Variants in SORL1 observed in about 807,000 individuals in gnomAD.
SORL1 encodes sortilin-related receptor.
SORL1 carries 127 observed loss-of-function variants against 273.7 expected under a neutral mutation model. The ratio of observed to expected loss-of-function variants is 0.46; its 90% CI spans 0.40 to 0.54. SORL1 has a LOEUF of 0.54. Ranked by LOEUF, SORL1 falls within the 20% of genes least tolerant of loss-of-function variation. The pLI is 0.00. For missense variants in SORL1, 2,494 were observed against 2,846.1 expected (o/e 0.88, Z 2.81); for synonymous variants, 1,031 against 1,067.4 (o/e 0.97, Z 0.66).
At chr11:121,473,553 T>A (rs1011195762) in intron 2 of SORL1, among the ~76,000 whole-genome samples, 11 of 147,978 alleles carry the variant, frequency 7.4e-5, no homozygotes, top group African/African-American at 2.7e-4. Context: ...AGGTGCAACA[T>A]AATTGGCTGA....
intron 2 of SORL1, among the ~76,000 whole-genome samples, chr11:121,473,563 A>G (rs1338921389): frequency 7.1e-6 from 1 of 139,932 alleles, no homozygotes; most frequent in Non-Finnish European, 1.6e-5. Flanking sequence ...TAATTGGCTG[A>G]AGAGCTGTCC....
chr11:121,555,544 G>A (rs933471937), intron 18 of SORL1, among the ~76,000 whole-genome samples: 3 of 151,630 alleles, frequency 2.0e-5, no homozygotes, highest in African/African-American at 7.3e-5. Flanking sequence ...AACAATAAAT[G>A]GTAATATTTT....
intron 31 of SORL1, 89 bp downstream of exon 31, chr11:121,591,245 C>A: frequency 2.1e-6 from 3 of 1,404,710 alleles, no homozygotes; most frequent in Non-Finnish European, 3.0e-6. Flanking sequence ...TCCAACCGGG[C>A]CCCATGCCCT....
At position 121,619,870 on chromosome 11, in the gene SORL1, G is replaced by A. The variant is rs374063134; in HGVS notation, c.5842G>A (p.Val1948Met). 14 of 1,613,964 alleles carry A rather than the reference G, an allele frequency of 8.7e-6. No individual in the cohort carries two copies. Among genetic ancestry groups the A allele is most frequent in the East Asian group, 6.7e-5 (3 of 44,888 alleles). Residue 1948 changes from valine to methionine, a missense_variant, in exon 43 of 48, where the codon GTG becomes ATG. Physicochemically the swap from Val to Met is conservative, Grantham distance 21 (BLOSUM62 1). Transcript: ENST00000260197. ...LHVVHTGKTS[V>M]VIKWESPYDS... ...TGTGGTTCATACGGGCAAAACCTCCGTGGTCATCAAGTGGGAATCACCGTA... is the reference window on the plus strand; with the variant it reads ...TGTGGTTCATACGGGCAAAACCTCCATGGTCATCAAGTGGGAATCACCGTA...
chr11:121,607,337 A>G, intron 37 of SORL1, 47 bp downstream of exon 37: 1 of 1,090,896 alleles, frequency 9.2e-7, no homozygotes, highest in Non-Finnish European at 1.4e-6. Context: ...CTTAGAACTG[A>G]GCGAAATTGC....
chr11:121,497,107 A>T, intron 6 of SORL1, 58 bp downstream of exon 6: 1 of 1,466,308 alleles, frequency 6.8e-7, no homozygotes, highest in Non-Finnish European at 9.4e-7. Context: ...GAAGTTTGGC[A>T]TTCTGTGATT....
At chr11:121,551,722 T>C (rs1026040816) in intron 16 of SORL1, among the ~76,000 whole-genome samples, 1 of 152,192 alleles carries the variant, frequency 6.6e-6, no homozygotes, top group African/African-American at 2.4e-5. Flanking sequence ...AGCCCTCTCT[T>C]TTGCTCACTG....
intron 2 of SORL1, 58 bp downstream of exon 2, chr11:121,470,181 T>C (rs1861147493): frequency 9.3e-7 from 1 of 1,073,614 alleles, no homozygotes; most frequent in Admixed American, 1.7e-5. Flanking sequence ...CCTTTTCTGG[T>C]CCACTGGGAT....
At chr11:121,606,982 G>A (rs1863486138) in intron 36 of SORL1, 25 bp downstream of exon 36, 2 of 1,533,446 alleles carry the variant, frequency 1.3e-6, no homozygotes, top group Non-Finnish European at 1.8e-6. Flanking sequence ...TGAGTTGGCT[G>A]TATGTGTGTT....
Position 121,470,103 on chromosome 11 carries a change from G to A in SORL1, c.382G>A (p.Ala128Thr). 1 of 1,613,810 alleles carries A rather than the reference G, an allele frequency of 6.2e-7. No homozygotes were observed. The highest frequency in any genetic ancestry group is 8.5e-7 in the Non-Finnish European group (1 of 1,179,668). The change falls in exon 2 of 48, where the codon GCG becomes ACG. Residue 128 changes from alanine to threonine, a missense_variant. Around this residue, in one of 3 missense-constraint regions of SORL1, gnomAD observed 710 missense variants for 882.5 expected, o/e 0.80. Transcript: ENST00000260197. Reference sequence around the variant, plus strand: ...CTTGGCCCGAGATAGCCTGGCATTGGCGAGGCCCAAGAGCAGTGATGTAAG... The same window carrying A: ...CTTGGCCCGAGATAGCCTGGCATTGACGAGGCCCAAGAGCAGTGATGTAAG... ...VALARDSLAL[A>T]RPKSSDVYVS... is the part of the protein sequence containing the mutation.
chr11:121,590,083 T>A lies in SORL1; in HGVS notation c.4122T>A (p.Phe1374Leu). The change falls in exon 30 of 48, where the codon TTT becomes TTA. Residue 1374 changes from phenylalanine (F) to leucine (L), a missense_variant. By Grantham distance (22) the Phe-to-Leu change is conservative. This residue lies in a region of SORL1 where 1,609 missense variants were observed against 1,816.4 expected (regional missense o/e 0.89). Coordinates refer to ENST00000260197, the MANE Select transcript of SORL1 (RefSeq NM_003105.6). ...CAAACTGCTCCCGCTACTTCCAGTT[T>A]CGGTGTGAGAATGGCCACTGCATCC... is the stretch of plus-strand genomic sequence containing the variant. ...EAPNCSRYFQ[F>L]RCENGHCIPN... The A allele has an allele frequency of 6.2e-7, 1 of 1,614,146 alleles. No homozygotes were observed. The highest frequency in any genetic ancestry group is 8.5e-7 in the Non-Finnish European group (1 of 1,180,004).
At chr11:121,497,100 G>C (rs753463188) in intron 6 of SORL1, 51 bp downstream of exon 6, 1 of 1,522,494 alleles carries the variant, frequency 6.6e-7, no homozygotes, top group Non-Finnish European at 9.0e-7. Context: ...CCTTTGTGAA[G>C]TTTGGCATTC....
At position 121,621,234 on chromosome 11, in the gene SORL1, C is replaced by T. The variant is rs1017444299; in HGVS notation, c.6060C>T (p.Thr2020=). 3 of 1,613,506 alleles carry T rather than the reference C, an allele frequency of 1.9e-6. No individual in the cohort carries two copies. Among genetic ancestry groups the T allele is most frequent in the Non-Finnish European group, 2.5e-6 (3 of 1,179,706 alleles). The change falls in exon 44 of 48, where the codon ACC becomes ACT. Residue 2020 remains threonine, a synonymous_variant. Transcript: ENST00000260197. ...GCAAAGATTCCAGCATAAAAATTAC[C>T]ACAGGTAAGCAGGAGAGAGGTTAGA... The part of the protein sequence containing the change: ...NMSKDSSIKI[T]TVSLSAPDAL...
chr11:121,543,822 C>T, intron 13 of SORL1, 96 bp downstream of exon 13: 1 of 1,185,974 alleles, frequency 8.4e-7, no homozygotes, highest in Non-Finnish European at 1.2e-6. Flanking sequence ...CTCAGAAGAG[C>T]CTGACATTCA....
chr11:121,617,362 A>C (rs371459297), intron 41 of SORL1, among the ~76,000 whole-genome samples: 1 of 152,252 alleles, frequency 6.6e-6, no homozygotes, highest in Non-Finnish European at 1.5e-5. Flanking sequence ...TCCTTGTCTC[A>C]TAATGTTATG....
At chr11:121,560,689 A>G (rs929525247) in intron 21 of SORL1, among the ~76,000 whole-genome samples, 4 of 152,210 alleles carry the variant, frequency 2.6e-5, no homozygotes, top group African/African-American at 9.6e-5. Flanking sequence ...TATCATTGTT[A>G]TCCTCTTGGG....
chr11:121,594,473 A>G (rs899276789), intron 31 of SORL1, among the ~76,000 whole-genome samples: 7 of 150,352 alleles, frequency 4.7e-5, no homozygotes, highest in Non-Finnish European at 4.4e-5. Flanking sequence ...AGATTTACTC[A>G]ACTTTATATT....
At chr11:121,577,187 G>A (rs1459718857) in intron 24 of SORL1, 94 bp from the exon 25 acceptor site, 17 of 1,442,094 alleles carry the variant, frequency 1.2e-5, no homozygotes, top group African/African-American at 1.4e-5. Context: ...GTGATCACGG[G>A]TCCATCTCCA....
At chr11:121,546,922 C>T (rs1862434775) in intron 14 of SORL1, 1 of 152,224 alleles carries the variant, frequency 6.6e-6, no homozygotes, top group Non-Finnish European at 1.5e-5. Flanking sequence ...GCGTTTCCAT[C>T]AAGCTCCCAA....
Sources: gnomAD v4.1 joint callset for allele counts (sites outside exome capture counted in the v4.1 genomes callset) on GRCh38, gnomAD v4.1.1 for gene constraint, gnomAD v4.1.1 regional missense constraint, MANE v1.5 for transcripts, NCBI Gene and HGNC (gene_info 2026-07-23, HGNC 2026-07-21) for gene names.